ODF2: variants seen among roughly 807,000 people sequenced by gnomAD.
The protein encoded by ODF2 is outer dense fiber of sperm tails 2, also known as outer dense fiber protein 2.
Under a neutral mutation model 110.2 loss-of-function variants are expected in ODF2, and 47 were observed. That is an observed-to-expected ratio of 0.43 (90% CI 0.34 to 0.54). ODF2 has a LOEUF of 0.54. ODF2 is among the 20% of genes least tolerant of loss of function. The probability of loss-of-function intolerance (pLI) is 0.03; values close to 1 mark genes in which losing one functional copy is unlikely to be tolerated. For synonymous variants in ODF2, 352 were observed against 397.7 expected (o/e 0.89, Z 1.37); for missense variants, 812 against 1,054.5 (o/e 0.77, Z 3.19).
chr9:128,469,496 C>T, intron 5 of ODF2, 143 bp downstream of exon 5: 1 of 784,284 alleles, frequency 1.3e-6, no homozygotes, highest in Admixed American at 2.4e-5. Flanking sequence ...CAGTTGCCTG[C>T]CCCGGGAGGT....
intron 4 of ODF2, among the ~76,000 whole-genome samples, chr9:128,462,970 A>G (rs1797350596): frequency 6.6e-6 from 1 of 152,074 alleles, no homozygotes; most frequent in Non-Finnish European, 1.5e-5. Context: ...GTTAAATTAT[A>G]ATACATCTGG....
At chr9:128,471,521 C>A in intron 6 of ODF2, 53 bp downstream of exon 6, 1 of 1,576,396 alleles carries the variant, frequency 6.3e-7, no homozygotes, top group Non-Finnish European at 8.6e-7. Flanking sequence ...TACCAGGCTG[C>A]CTTGAGCCCT....
upstream of ODF2, chr9:128,455,231 C>G: frequency 6.5e-7 from 1 of 1,535,346 alleles, no homozygotes; most frequent in South Asian, 1.2e-5. Context: ...CAGAATAGGT[C>G]TGTACACAGA....
intron 18 of ODF2, chr9:128,497,481 A>ATATATG (rs1273035650): frequency 7.5e-4 from 87 of 116,580 alleles, no homozygotes; most frequent in Non-Finnish European, 9.0e-4. Flanking sequence ...ATATATATAT[A>ATATATG]TATATGTATA....
In ODF2 at chr9:128,462,463, C is replaced by T. The variant is rs139145920; in HGVS notation, c.249+1396C>T. On this transcript the variant is annotated intron_variant, in intron 4 of 20. Coordinates refer to ENST00000604420, the Ensembl canonical transcript of ODF2. ...CACACCCGGCCCGAATCTTTTAAAA[C>T]GTTTTTTATAGGACTGTGAACCTGA... Among the ~76,000 whole-genome samples the T allele has an allele frequency of 6.6e-4, 100 of 151,840 alleles. 1 individual carries two copies. In the East Asian group the frequency reaches 0.013, roughly 20 times the overall value.
intron 5 of ODF2, among the ~76,000 whole-genome samples, chr9:128,470,719 G>A (rs1456383943): frequency 5.3e-5 from 8 of 151,664 alleles, no homozygotes; most frequent in Admixed American, 4.6e-4. Context: ...GCCAAACCAC[G>A]GTTTGCAACC....
Position 128,469,332 on chromosome 9 carries a change from G to A in ODF2, c.399G>A (p.Ala133=), listed in dbSNP as rs140888690. The A allele has an allele frequency of 2.0e-4, 324 of 1,614,148 alleles. No individual in the cohort carries two copies. The African/African-American group carries it at 3.7e-3, about 19-fold the overall frequency. ...AGAAGATTGATAGTCTAATGAATGC[G>A]GTTGGTTGTCTGAAGTCTGAGGTGA... The change falls in exon 5 of 21, where the codon GCG becomes GCA. Residue 133 remains alanine, a synonymous_variant. Coordinates refer to ENST00000604420, the Ensembl canonical transcript of ODF2.
chr9:128,465,873 C>G (rs1264585624), intron 4 of ODF2, among the ~76,000 whole-genome samples: 1 of 152,154 alleles, frequency 6.6e-6, no homozygotes, highest in Non-Finnish European at 1.5e-5. Flanking sequence ...GGAGCAATGG[C>G]TCACTCCTGT....
At chr9:128,492,679 C>G (rs1385174643) in intron 15 of ODF2, 22 bp from the exon 16 acceptor site, 5 of 1,605,628 alleles carry the variant, frequency 3.1e-6, no homozygotes, top group Middle Eastern at 3.3e-4. Context: ...CTAAGATGAA[C>G]CACAGTGTTG....
chr9:128,482,173 T>C lies in ODF2; in HGVS notation c.915+522T>C, dbSNP rs543475760. Among the ~76,000 whole-genome samples the C allele has an allele frequency of 3.9e-5, 6 of 152,242 alleles. No homozygotes were observed. In the South Asian group the frequency reaches 1.2e-3, roughly 32 times the overall value. On this transcript the variant is annotated intron_variant, in intron 9 of 20. Transcript: ENST00000604420. Reference sequence around the variant, plus strand: ...AAGTTCAACAGCTTCTTTCAAGACTTTTTTGGAGTGTCTGCTGTATTAATG... The same window carrying C: ...AAGTTCAACAGCTTCTTTCAAGACTCTTTTGGAGTGTCTGCTGTATTAATG...
chr9:128,463,131 A>G (rs1202510179), intron 4 of ODF2, among the ~76,000 whole-genome samples: 1 of 152,002 alleles, frequency 6.6e-6, no homozygotes, highest in African/African-American at 2.4e-5. Flanking sequence ...GTGTGGTGGC[A>G]TGCGCTTGTA....
intron 8 of ODF2, among the ~76,000 whole-genome samples, chr9:128,477,068 A>T: frequency 6.6e-6 from 1 of 151,676 alleles, no homozygotes; most frequent in East Asian, 2.0e-4. Flanking sequence ...ACATGGTGAC[A>T]CCCCACCTCT....
chr9:128,487,869 T>C, intron 13 of ODF2, 21 bp from the exon 14 acceptor site: 1 of 1,613,270 alleles, frequency 6.2e-7, no homozygotes, highest in Non-Finnish European at 8.5e-7. Context: ...CTCTGTCTGC[T>C]TTCACTTTGT....
At chr9:128,498,511 A>G in exon 19 of ODF2, 1 of 1,613,436 alleles carries the variant, frequency 6.2e-7, no homozygotes, top group Non-Finnish European at 8.5e-7. Flanking sequence ...CTGGAGGAGA[A>G]AACACGGGAA....
intron 4 of ODF2, 110 bp from the exon 5 acceptor site, chr9:128,469,073 T>G (rs917855569): frequency 3.0e-6 from 3 of 995,748 alleles, no homozygotes; most frequent in Non-Finnish European, 4.5e-6. Flanking sequence ...GGTCCCCGAG[T>G]TAGCTGTTAC....
At chr9:128,468,575 T>C (rs1327458819) in intron 4 of ODF2, among the ~76,000 whole-genome samples, 3 of 151,856 alleles carry the variant, frequency 2.0e-5, no homozygotes, top group African/African-American at 4.8e-5. Flanking sequence ...CAGGCTGGAG[T>C]GCAATGGCGC....
chr9:128,469,983 CAAAAAAAAAAAAAAAA>C (rs1187840225), intron 5 of ODF2, among the ~76,000 whole-genome samples: 1 of 6,364 alleles, frequency 1.6e-4, no homozygotes, highest in East Asian at 0.013. Flanking sequence ...GTCTCTGTCT[CAAAAAAAAAAAAAAAA>C]AAAAAAAAAA....
chr9:128,500,084 G>T (rs368357426), exon 21 of ODF2: 2 of 1,614,142 alleles, frequency 1.2e-6, no homozygotes, highest in South Asian at 1.1e-5. Context: ...GCCGCTACCA[G>T]AGCCGGCTGC....
At chr9:128,486,521 T>C (rs1168927600) in intron 13 of ODF2, among the ~76,000 whole-genome samples, 1 of 152,194 alleles carries the variant, frequency 6.6e-6, no homozygotes, top group Non-Finnish European at 1.5e-5. Flanking sequence ...AATTGGTCAA[T>C]ACTGAGAGCA....
Sources: gnomAD v4.1 joint callset for allele counts (sites outside exome capture counted in the v4.1 genomes callset) on GRCh38, gnomAD v4.1.1 for gene constraint, MANE v1.5 for transcripts, NCBI Gene and HGNC (gene_info 2026-07-23, HGNC 2026-07-21) for gene names.